MND1: variants seen among roughly 807,000 people sequenced by gnomAD.
The protein encoded by MND1 is meiotic nuclear divisions 1, also known as meiotic nuclear division protein 1 homolog.
In MND1, 28 loss-of-function variants were observed where a neutral mutation model predicts 35.1. That is an observed-to-expected ratio of 0.80 (90% CI 0.59 to 1.09). The LOEUF (loss-of-function observed/expected upper bound fraction) is 1.09. Among genes scored for constraint, MND1 ranks in the 50% least tolerant of loss-of-function variants. The pLI is 0.00. For missense variants in MND1, 213 were observed against 239.6 expected, an observed-to-expected ratio of 0.89 and a Z score of 0.73; for synonymous variants, 69 against 70.5, an observed-to-expected ratio of 0.98 and a Z score of 0.11.
chr4:153,391,716 A>G (rs1216095209), intron 4 of MND1, among the ~76,000 whole-genome samples: 5 of 149,300 alleles, frequency 3.3e-5, no homozygotes, highest in African/African-American at 1.3e-4. Flanking sequence ...AAGAAGAGTG[A>G]AACTCCATCA....
intron 4 of MND1, among the ~76,000 whole-genome samples, chr4:153,383,123 T>C (rs72729649): frequency 1.1e-3 from 167 of 152,348 alleles, no homozygotes; most frequent in Non-Finnish European, 1.5e-3. Flanking sequence ...GCCTGAAATT[T>C]GTTGAGTATA....
chr4:153,360,530 T>C (rs114234906), intron 4 of MND1, among the ~76,000 whole-genome samples: 2,067 of 151,982 alleles, frequency 0.014, 26 homozygotes, highest in South Asian at 0.047. Flanking sequence ...TTCAATTTTT[T>C]GTACATACAT....
In MND1 at chr4:153,361,727, A is replaced by C. The variant is rs149949232; in HGVS notation, c.276+3105A>C. The C allele has an allele frequency of 2.6e-3, 924 of 350,752 alleles. 3 individuals carry two copies. Among genetic ancestry groups the C allele is most frequent in the Middle Eastern group, 4.1e-3 (4 of 964 alleles). 21.7% of individuals were successfully genotyped at this position (350,752 alleles called of 1,614,324 possible). Reference sequence around the variant, plus strand: ...GTGGTGGGTGCCTGTAGTCCCAGCTACTGGGGAGGCTGGGGCAGGAGAATG... The same window carrying C: ...GTGGTGGGTGCCTGTAGTCCCAGCTCCTGGGGAGGCTGGGGCAGGAGAATG... On this transcript the variant is annotated intron_variant, in intron 4 of 7. Coordinates refer to ENST00000240488, the MANE Select transcript of MND1 (RefSeq NM_032117.4).
At chr4:153,409,685 C>A (rs999682945) in intron 7 of MND1, among the ~76,000 whole-genome samples, 1 of 151,990 alleles carries the variant, frequency 6.6e-6, no homozygotes, top group East Asian at 1.9e-4. Context: ...CTGTTTCACA[C>A]AAAAAATATA....
chr4:153,347,733 AC>A (rs1315397888), intron 1 of MND1, among the ~76,000 whole-genome samples: 2 of 152,122 alleles, frequency 1.3e-5, no homozygotes, highest in Non-Finnish European at 2.9e-5. Context: ...TGGAGTTTTG[AC>A]TAGGCAAGAA....
intron 6 of MND1, among the ~76,000 whole-genome samples, chr4:153,398,626 G>A (rs886554422): frequency 3.3e-5 from 5 of 152,188 alleles, no homozygotes; most frequent in African/African-American, 1.2e-4. Flanking sequence ...TTTTCAAAGA[G>A]AGGTGGAGGC....
intron 4 of MND1, 151 bp from the exon 5 acceptor site, chr4:153,394,111 T>C (rs1453346382): frequency 5.3e-6 from 3 of 566,170 alleles, no homozygotes; most frequent in Non-Finnish European, 3.2e-6. Flanking sequence ...TTGGCCAGGA[T>C]GGTCTCCATC....
intron 1 of MND1, among the ~76,000 whole-genome samples, chr4:153,347,270 A>G (rs940435114): frequency 6.6e-6 from 1 of 152,240 alleles, no homozygotes; most frequent in Admixed American, 6.5e-5. Context: ...CCTGGACCCT[A>G]GCTCTCAGCC....
intron 7 of MND1, among the ~76,000 whole-genome samples, chr4:153,411,622 C>T (rs1729686480): frequency 6.6e-6 from 1 of 152,134 alleles, no homozygotes; most frequent in African/African-American, 2.4e-5. Flanking sequence ...TCTTATCCTC[C>T]TATGAATCAG....
chr4:153,368,011 C>G (rs1258567430), intron 4 of MND1, among the ~76,000 whole-genome samples: 6 of 152,084 alleles, frequency 3.9e-5, no homozygotes, highest in Non-Finnish European at 8.8e-5. Flanking sequence ...ATTCTTTGCC[C>G]ATATCTCTTC....
At chr4:153,409,756 C>G (rs917612708) in intron 7 of MND1, among the ~76,000 whole-genome samples, 12 of 150,464 alleles carry the variant, frequency 8.0e-5, no homozygotes, top group Non-Finnish European at 1.5e-4. Flanking sequence ...ATATAATTGG[C>G]CTTTCGGATT....
intron 6 of MND1, among the ~76,000 whole-genome samples, chr4:153,402,484 GA>G (rs1449498909): frequency 6.6e-6 from 1 of 152,194 alleles, no homozygotes; most frequent in Non-Finnish European, 1.5e-5. Context: ...GCCTACTGAG[GA>G]AAATTAGCAG....
intron 4 of MND1, among the ~76,000 whole-genome samples, chr4:153,371,356 C>T (rs1017590110): frequency 7.9e-5 from 12 of 152,100 alleles, no homozygotes; most frequent in African/African-American, 2.9e-4. Flanking sequence ...ATGGACTTCT[C>T]CTCTCTAGCT....
chr4:153,395,689 G>T (rs901774387), intron 5 of MND1, among the ~76,000 whole-genome samples: 1 of 152,114 alleles, frequency 6.6e-6, no homozygotes, highest in Non-Finnish European at 1.5e-5. Flanking sequence ...AGTCTATGGC[G>T]GTGGCTACCG....
chr4:153,414,327 G>A (rs562624514), intron 7 of MND1, among the ~76,000 whole-genome samples: 1 of 151,784 alleles, frequency 6.6e-6, no homozygotes, highest in East Asian at 1.9e-4. Context: ...TGTTGCCCAG[G>A]CTGGAGTGCA....
intron 4 of MND1, among the ~76,000 whole-genome samples, chr4:153,369,796 C>G (rs1439865264): frequency 6.6e-6 from 1 of 152,044 alleles, no homozygotes; most frequent in Non-Finnish European, 1.5e-5. Flanking sequence ...GCATGTGATG[C>G]TGTTTGATAG....
Position 153,414,878 on chromosome 4 carries a change from G to A in MND1, c.*21G>A, listed in dbSNP as rs1328429055. 3 of 1,084,344 alleles carry A rather than the reference G, an allele frequency of 2.8e-6. No individual in the cohort carries two copies. The South Asian group carries it at 4.9e-5, about 18-fold the overall frequency. 67.2% of individuals were successfully genotyped at this position (1,084,344 alleles called of 1,614,324 possible). A position where few individuals can be genotyped will look rare whatever the true frequency, so the allele number is the denominator to read the frequency against. On this transcript the variant is annotated 3_prime_UTR_variant, in exon 8 of 8. Transcript: ENST00000240488. ...ACTAAAATATTCCATGGTGGTGAAGGATGTACAAGCTTGTGAATATGTAAA... is the reference window on the plus strand; with the variant it reads ...ACTAAAATATTCCATGGTGGTGAAGAATGTACAAGCTTGTGAATATGTAAA...
At position 153,408,987 on chromosome 4, in the gene MND1, A is replaced by T; in HGVS notation, c.483A>T (p.Val161=). The T allele has an allele frequency of 7.7e-7, 1 of 1,302,636 alleles. No homozygotes were observed. The highest frequency in any genetic ancestry group is 2.2e-5 in the South Asian group (1 of 46,152). 80.7% of individuals were successfully genotyped at this position (1,302,636 alleles called of 1,614,324 possible). The change falls in exon 7 of 8, where the codon GTA becomes GTT. Residue 161 remains valine (V), a synonymous_variant. Coordinates refer to ENST00000240488, the MANE Select transcript of MND1 (RefSeq NM_032117.4). Reference sequence around the variant, plus strand: ...TTTTTTCAGGCCAAGCAAATAAAGTAGCCAAAGAAGCTGCTAACAGATGGA... The same window carrying T: ...TTTTTTCAGGCCAAGCAAATAAAGTTGCCAAAGAAGCTGCTAACAGATGGA... ...VVEEIRQANK[V]AKEAANRWTD...
chr4:153,397,445 A>T, intron 6 of MND1, 112 bp downstream of exon 6: 1 of 707,974 alleles, frequency 1.4e-6, no homozygotes, highest in Non-Finnish European at 2.3e-6. Flanking sequence ...AAACTAGTTA[A>T]GGTAGTATTC....
Sources: allele counts gnomAD v4.1 joint callset (sites outside exome capture counted in the v4.1 genomes callset), GRCh38; gene constraint gnomAD v4.1.1; transcripts MANE v1.5; gene names NCBI Gene and HGNC (gene_info 2026-07-23, HGNC 2026-07-21).